Variants in PSD3 observed in about 807,000 individuals in gnomAD.
The protein encoded by PSD3 is pleckstrin and Sec7 domain containing 3, also known as PH and SEC7 domain-containing protein 3.
PSD3 carries 49 observed loss-of-function variants against 105.5 expected under a neutral mutation model. That is an observed-to-expected ratio of 0.46 (90% CI 0.37 to 0.59). The LOEUF is 0.59. Ranked by LOEUF, PSD3 falls within the 20% of genes least tolerant of loss-of-function variation. The pLI, the probability that PSD3 is intolerant of heterozygous loss-of-function variation, is 0.00. For missense variants in PSD3, 1,561 were observed against 1,263.8 expected, an observed-to-expected ratio of 1.24 and a Z score of -3.57; for synonymous variants, 557 against 457.8, an observed-to-expected ratio of 1.22 and a Z score of -2.77.
At chr8:18,616,692 C>G (rs1027773762) in intron 11 of PSD3, among the ~76,000 whole-genome samples, 3 of 138,084 alleles carry the variant, frequency 2.2e-5, no homozygotes, top group Admixed American at 1.5e-4. Context: ...GGCGGGATCT[C>G]GGCTCACTGC....
chr8:18,770,853 C>A (rs1807452610), intron 8 of PSD3, among the ~76,000 whole-genome samples: 1 of 152,198 alleles, frequency 6.6e-6, no homozygotes, highest in Non-Finnish European at 1.5e-5. Context: ...ACTTGGGGCA[C>A]CTGAGCTCTT....
intron 4 of PSD3, among the ~76,000 whole-genome samples, chr8:18,814,751 C>G (rs1302631162): frequency 6.6e-6 from 1 of 152,136 alleles, no homozygotes; most frequent in African/African-American, 2.4e-5. Context: ...TTCCGGTGGA[C>G]AAGACAGGAA....
intron 9 of PSD3, chr8:18,733,279 G>C (rs570589904): frequency 6.6e-6 from 1 of 152,228 alleles, no homozygotes; most frequent in South Asian, 2.1e-4. Context: ...CTACTTTTTA[G>C]GGTCATAATT....
intron 4 of PSD3, among the ~76,000 whole-genome samples, chr8:18,863,527 T>A (rs1212041197): frequency 2.0e-5 from 3 of 152,120 alleles, no homozygotes; most frequent in African/African-American, 7.2e-5. Context: ...TGTGGCTCAC[T>A]CATCAACAGG....
chr8:18,824,174 A>C (rs1812986836), intron 4 of PSD3, among the ~76,000 whole-genome samples: 1 of 152,186 alleles, frequency 6.6e-6, no homozygotes, highest in Non-Finnish European at 1.5e-5. Flanking sequence ...CGTGTCTCTA[A>C]GAAAATCAGT....
intron 11 of PSD3, among the ~76,000 whole-genome samples, chr8:18,616,489 T>C (rs1031937466): frequency 6.6e-6 from 1 of 152,132 alleles, no homozygotes; most frequent in African/African-American, 2.4e-5. Context: ...GTGTCTGACA[T>C]CTTTAAGGGT....
intron 8 of PSD3, among the ~76,000 whole-genome samples, chr8:18,782,581 A>G (rs932175085): frequency 2.6e-5 from 4 of 152,236 alleles, no homozygotes; most frequent in African/African-American, 9.6e-5. Flanking sequence ...ATGGATATGC[A>G]GGATCTCGGT....
At chr8:18,666,233 T>C (rs12547745) in intron 9 of PSD3, among the ~76,000 whole-genome samples, 1 of 152,056 alleles carries the variant, frequency 6.6e-6, no homozygotes, top group Admixed American at 6.5e-5. Context: ...GTATTTTTAG[T>C]AGAGACAGGG....
intron 4 of PSD3, among the ~76,000 whole-genome samples, chr8:18,841,145 G>C (rs184630686): frequency 3.0e-4 from 46 of 152,334 alleles, no homozygotes; most frequent in African/African-American, 9.9e-4. Flanking sequence ...CCTGCTGCCA[G>C]CATTGACAAC....
intron 7 of PSD3, among the ~76,000 whole-genome samples, chr8:18,800,443 C>T (rs2632850): frequency 0.89 from 134,714 of 152,202 alleles, 59,816 homozygotes; most frequent in Non-Finnish European, 0.92. Context: ...TCCAGGTTAA[C>T]TGGCAATACT....
intron 4 of PSD3, among the ~76,000 whole-genome samples, chr8:18,861,191 G>C (rs539523799): frequency 1.1e-4 from 17 of 152,266 alleles, no homozygotes; most frequent in Admixed American, 6.5e-5. Flanking sequence ...AGTGCACTTA[G>C]CTTCCATCCT....
chr8:18,774,731 T>A, intron 8 of PSD3: 1 of 362,260 alleles, frequency 2.8e-6, no homozygotes, highest in East Asian at 7.6e-5. Flanking sequence ...TTTTCTGAGT[T>A]TGGCTAATGA....
chr8:18,935,890 C>T (rs1282545631), intron 2 of PSD3, 144 bp downstream of exon 2: 1 of 572,582 alleles, frequency 1.7e-6, no homozygotes, highest in African/African-American at 1.8e-5. Flanking sequence ...GATTCTACAT[C>T]TTGGGAAGAT....
At chr8:18,850,623 A>G (rs1815487241) in intron 4 of PSD3, among the ~76,000 whole-genome samples, 1 of 152,318 alleles carries the variant, frequency 6.6e-6, no homozygotes, top group South Asian at 2.1e-4. Flanking sequence ...GGAGGCAAAA[A>G]TTGCCCAGTA....
intron 14 of PSD3, among the ~76,000 whole-genome samples, chr8:18,564,021 G>A (rs1365838995): frequency 2.0e-5 from 3 of 151,932 alleles, no homozygotes; most frequent in Admixed American, 2.0e-4. Flanking sequence ...AAACACCCCT[G>A]CATGTCTAAC....
intron 9 of PSD3, among the ~76,000 whole-genome samples, chr8:18,747,345 T>C (rs1178614316): frequency 6.6e-6 from 1 of 151,566 alleles, no homozygotes; most frequent in African/African-American, 2.4e-5. Context: ...CCTAAGAGAG[T>C]TTCTAAAGGT....
chr8:18,543,483 T>G (rs1336670515), intron 15 of PSD3, among the ~76,000 whole-genome samples: 2 of 152,046 alleles, frequency 1.3e-5, no homozygotes, highest in African/African-American at 4.8e-5. Flanking sequence ...CCAGGCGTGG[T>G]GGCAGGCGCC....
intron 2 of PSD3, among the ~76,000 whole-genome samples, chr8:18,911,364 G>A (rs1820210130): frequency 1.3e-5 from 2 of 152,350 alleles, no homozygotes; most frequent in African/African-American, 4.8e-5. Flanking sequence ...TTGGGAGCCA[G>A]TGGCACTTCA....
At chr8:18,562,850 C>G (rs1801481079) in intron 14 of PSD3, among the ~76,000 whole-genome samples, 1 of 151,970 alleles carries the variant, frequency 6.6e-6, no homozygotes, top group African/African-American at 2.4e-5. Flanking sequence ...GATCATGCCA[C>G]TGCACTCCAG....
Sources: allele counts gnomAD v4.1 joint callset (sites outside exome capture counted in the v4.1 genomes callset), GRCh38; gene constraint gnomAD v4.1.1; transcripts MANE v1.5; gene names NCBI Gene and HGNC (gene_info 2026-07-23, HGNC 2026-07-21).